Variants in PPP2R2B observed in about 807,000 individuals in gnomAD.
The protein encoded by PPP2R2B is protein phosphatase 2 regulatory subunit Bbeta.
PPP2R2B carries 5 observed loss-of-function variants against 46.0 expected under a neutral mutation model. That is an observed-to-expected ratio of 0.11 (90% CI 0.06 to 0.23). PPP2R2B has a LOEUF of 0.23. PPP2R2B is among the 10% of genes least tolerant of loss of function. PPP2R2B has a pLI of 1.00. For missense variants in PPP2R2B, 367 were observed against 575.0 expected (o/e 0.64, Z 3.70); for synonymous variants, 215 against 206.7 (o/e 1.04, Z -0.34).
At chr5:146,938,882 G>T (rs866292397) in intron 1 of PPP2R2B, among the ~76,000 whole-genome samples, 1 of 147,638 alleles carries the variant, frequency 6.8e-6, no homozygotes. Flanking sequence ...CCAGGTTCAA[G>T]CGATTCTCCT....
intron 2 of PPP2R2B, among the ~76,000 whole-genome samples, chr5:146,758,629 T>C (rs749279779): frequency 2.0e-5 from 3 of 152,100 alleles, no homozygotes; most frequent in East Asian, 1.9e-4. Flanking sequence ...TTTTTCCCCA[T>C]CCTGAATCCT....
chr5:146,683,990 C>A (rs536704852), intron 5 of PPP2R2B, among the ~76,000 whole-genome samples: 6 of 152,030 alleles, frequency 3.9e-5, no homozygotes, highest in African/African-American at 1.5e-4. Context: ...GAGGATAGAG[C>A]GAAGGTTGAG....
rs953026673 is a variant in PPP2R2B, at chr5:146,588,352, A to G, written c.*1595T>C. 1 of 152,240 alleles carries G rather than the reference A, an allele frequency of 6.6e-6. No homozygotes were observed. Among genetic ancestry groups the G allele is most frequent in the Non-Finnish European group, 1.5e-5 (1 of 68,040 alleles). 9.4% of individuals were successfully genotyped at this position (152,240 alleles called of 1,614,324 possible). A position where few individuals can be genotyped will look rare whatever the true frequency, so the allele number is the denominator to read the frequency against. ...AAATGGATAGTAGCTTAGAATTGAG[A>G]TAAAATGATTCTTTCACTATTTTTT... On this transcript the variant is annotated 3_prime_UTR_variant, in exon 10 of 10. Coordinates refer to ENST00000394411, the MANE Select transcript of PPP2R2B (RefSeq NM_181675.4).
chr5:147,042,721 T>C (rs997315915), intron 1 of PPP2R2B, among the ~76,000 whole-genome samples: 1 of 152,026 alleles, frequency 6.6e-6, no homozygotes, highest in Non-Finnish European at 1.5e-5. Context: ...ATACATAATA[T>C]GTCAAGTAGT....
At chr5:146,677,233 G>A (rs1054905120) in intron 5 of PPP2R2B, among the ~76,000 whole-genome samples, 4 of 152,166 alleles carry the variant, frequency 2.6e-5, no homozygotes, top group African/African-American at 7.2e-5. Context: ...GTATCTGGAT[G>A]TTTTCGCATT....
At chr5:147,069,783 C>CTCTTTTT (rs1561611794) in intron 2 of PPP2R2B, among the ~76,000 whole-genome samples, 2 of 48,434 alleles carry the variant, frequency 4.1e-5, no homozygotes, top group African/African-American at 8.9e-5. Flanking sequence ...ACATTTTATA[C>CTCTTTTT]TGTTTTTTTT....
At chr5:147,038,714 G>A (rs1756156331) in intron 1 of PPP2R2B, among the ~76,000 whole-genome samples, 1 of 152,090 alleles carries the variant, frequency 6.6e-6, no homozygotes, top group South Asian at 2.1e-4. Context: ...CTGTGCAATA[G>A]GATTATTATT....
intron 1 of PPP2R2B, among the ~76,000 whole-genome samples, chr5:146,934,292 C>T (rs1764067518): frequency 6.6e-6 from 1 of 151,200 alleles, no homozygotes; most frequent in African/African-American, 2.4e-5. Context: ...GTTTACAGTC[C>T]CACCAACAGT....
chr5:146,973,160 G>GATTCTT (rs1752742495), intron 1 of PPP2R2B, among the ~76,000 whole-genome samples: 2 of 152,082 alleles, frequency 1.3e-5, no homozygotes, highest in Non-Finnish European at 1.5e-5. Flanking sequence ...AGTAGGATTT[G>GATTCTT]ATTCTTTTTC....
chr5:146,605,576 A>G (rs772903189), intron 7 of PPP2R2B, among the ~76,000 whole-genome samples: 10 of 152,236 alleles, frequency 6.6e-5, no homozygotes, highest in Non-Finnish European at 1.5e-4. Context: ...ATGTTCAGCA[A>G]CATATCTGGC....
intron 1 of PPP2R2B, among the ~76,000 whole-genome samples, chr5:146,902,024 A>C (rs970551769): frequency 6.6e-6 from 1 of 152,134 alleles, no homozygotes; most frequent in African/African-American, 2.4e-5. Context: ...GTGATGAAAA[A>C]ATCTCTGAAG....
At chr5:147,027,788 T>G (rs1755601491) in intron 1 of PPP2R2B, among the ~76,000 whole-genome samples, 1 of 152,170 alleles carries the variant, frequency 6.6e-6, no homozygotes, top group South Asian at 2.1e-4. Flanking sequence ...TGAATTATAC[T>G]CTTTAAAATG....
At chr5:146,774,891 A>T (rs1284799656) in intron 2 of PPP2R2B, among the ~76,000 whole-genome samples, 1 of 152,128 alleles carries the variant, frequency 6.6e-6, no homozygotes, top group Admixed American at 6.5e-5. Context: ...ACCTAGATTA[A>T]CTGGACAAAT....
intron 1 of PPP2R2B, among the ~76,000 whole-genome samples, chr5:146,903,880 C>G (rs1762917767): frequency 6.6e-6 from 1 of 152,116 alleles, no homozygotes; most frequent in South Asian, 2.1e-4. Flanking sequence ...GTAATATGAG[C>G]AAAATGCTTA....
At chr5:146,592,418 T>C (rs1039848658) in intron 9 of PPP2R2B, among the ~76,000 whole-genome samples, 1 of 152,222 alleles carries the variant, frequency 6.6e-6, no homozygotes, top group African/African-American at 2.4e-5. Context: ...CAGAGAATCA[T>C]TTGTATTTGT....
At chr5:147,049,421 A>G (rs1756693694) in intron 1 of PPP2R2B, among the ~76,000 whole-genome samples, 2 of 152,132 alleles carry the variant, frequency 1.3e-5, no homozygotes, top group South Asian at 4.2e-4. Context: ...TGAGATCTCT[A>G]CTATGCATCT....
At chr5:146,933,719 A>G (rs187641936) in intron 1 of PPP2R2B, among the ~76,000 whole-genome samples, 2 of 150,216 alleles carry the variant, frequency 1.3e-5, no homozygotes, top group Non-Finnish European at 1.5e-5. Flanking sequence ...TTTAGGGTAC[A>G]TGTGCACATT....
intron 1 of PPP2R2B, among the ~76,000 whole-genome samples, chr5:146,994,797 C>G (rs1424850827): frequency 6.6e-6 from 1 of 152,186 alleles, no homozygotes. Flanking sequence ...GTATCATATA[C>G]TCAGCACTGT....
chr5:146,974,255 A>G (rs1272434228), intron 1 of PPP2R2B, among the ~76,000 whole-genome samples: 2 of 152,236 alleles, frequency 1.3e-5, no homozygotes, highest in African/African-American at 4.8e-5. Context: ...AACTAATAGT[A>G]CTTTCTGTGT....
Sources: allele counts gnomAD v4.1 joint callset (sites outside exome capture counted in the v4.1 genomes callset), GRCh38; gene constraint gnomAD v4.1.1; transcripts MANE v1.5; gene names NCBI Gene and HGNC (gene_info 2026-07-23, HGNC 2026-07-21).